GLP2R: variants seen among roughly 807,000 people sequenced by gnomAD.
GLP2R encodes the protein glucagon like peptide 2 receptor.
In GLP2R, 59 loss-of-function variants were observed where a neutral mutation model predicts 68.2. The observed-to-expected ratio is 0.87, with a 90% confidence interval of 0.70 to 1.07. GLP2R has a LOEUF of 1.07. Among genes scored for constraint, GLP2R ranks in the 50% least tolerant of loss-of-function variants. The pLI is 0.00. For missense variants in GLP2R, 548 were observed against 677.4 expected, an observed-to-expected ratio of 0.81 and a Z score of 2.12; for synonymous variants, 270 against 265.4, an observed-to-expected ratio of 1.02 and a Z score of -0.17.
chr17:9,843,245 G>A (rs991827874), intron 4 of GLP2R, among the ~76,000 whole-genome samples: 10 of 152,156 alleles, frequency 6.6e-5, no homozygotes, highest in African/African-American at 9.7e-5. Context: ...AAGGGGAAAC[G>A]AAACGTCCCT....
intron 6 of GLP2R, among the ~76,000 whole-genome samples, chr17:9,858,827 T>C (rs902551929): frequency 2.6e-5 from 4 of 152,232 alleles, no homozygotes; most frequent in African/African-American, 9.6e-5. Flanking sequence ...TTTTCATTCC[T>C]GATATTGATT....
At position 9,878,062 on chromosome 17, in the gene GLP2R, A is replaced by G. The variant is rs181419593; in HGVS notation, c.1146-2316A>G. ...AAGACACAGGTCTGCTTGTAGGCAT[A>G]TAAGTCTGTATCTTGAAAACCCAGC... On this transcript the variant is annotated intron_variant, in intron 10 of 12. Coordinates refer to ENST00000262441, the MANE Select transcript of GLP2R (RefSeq NM_004246.3). 4.1e-4 allele frequency among the ~76,000 whole-genome samples: 62 copies of G among 152,348 alleles called. 1 individual carries two copies. In the South Asian group the frequency reaches 7.5e-3, roughly 18 times the overall value.
intron 12 of GLP2R, among the ~76,000 whole-genome samples, chr17:9,888,855 G>A (rs1267715482): frequency 6.6e-6 from 1 of 152,196 alleles, no homozygotes; most frequent in Non-Finnish European, 1.5e-5. Context: ...GAGGGGCAGA[G>A]GCCAGAACAG....
At chr17:9,874,714 G>A (rs1273308719) in intron 10 of GLP2R, among the ~76,000 whole-genome samples, 1 of 152,178 alleles carries the variant, frequency 6.6e-6, no homozygotes, top group Non-Finnish European at 1.5e-5. Context: ...TCTGTGGAAG[G>A]TGGGGATGGG....
In GLP2R at chr17:9,889,565, C is replaced by G. The variant is rs760303918; in HGVS notation, c.1522C>G (p.Arg508Gly). The G allele has an allele frequency of 2.7e-5, 43 of 1,614,026 alleles. No individual in the cohort carries two copies. In the Admixed American group the frequency reaches 6.7e-4, roughly 25 times the overall value. The change falls in exon 13 of 13, where the codon CGA (arginine) becomes GGA (glycine). Residue 508 changes from arginine to glycine, a missense_variant. Coordinates refer to ENST00000262441, the MANE Select transcript of GLP2R (RefSeq NM_004246.3). The stretch of plus-strand genomic sequence containing the variant: ...TGGGCGGCTCCTACATCTAGCCATG[C>G]GAGGTCTTGGGGAGCTGGGCGCCCA... The part of the protein sequence containing the change: ...NSGRLLHLAM[R>G]GLGELGAQPQ...
Position 9,885,230 on chromosome 17 carries a change from C to T in GLP2R, c.1285-2702C>T, listed in dbSNP as rs2067233010. Among the ~76,000 whole-genome samples, 3 of 150,894 alleles carry T rather than the reference C, an allele frequency of 2.0e-5. No individual in the cohort carries two copies. In the South Asian group the frequency reaches 6.3e-4, roughly 32 times the overall value. ...TTGAGATGGAGTTTTGCTCTTGTTG[C>T]CCAGGCTGGAGTGCAATGGTGTTAT... On this transcript the variant is annotated intron_variant, in intron 11 of 12. Transcript: ENST00000262441.
In GLP2R at chr17:9,842,633, C is replaced by T. The variant is rs2066798355; in HGVS notation, c.504+17C>T. ...AAGCAAAACGTGAGTTTGCTCAGCTCAGTGAGGAGGCATCCAGGGTCCAAA... is the reference window on the plus strand; with the variant it reads ...AAGCAAAACGTGAGTTTGCTCAGCTTAGTGAGGAGGCATCCAGGGTCCAAA... On this transcript the variant is annotated intron_variant, in intron 4 of 12. Transcript: ENST00000262441. 6.2e-7 allele frequency: 1 copy of T among 1,612,788 alleles called. No individual in the cohort carries two copies. Among genetic ancestry groups the T allele is most frequent in the Non-Finnish European group, 8.5e-7 (1 of 1,179,904 alleles).
chr17:9,838,425 C>A (rs2066753939), intron 3 of GLP2R, among the ~76,000 whole-genome samples: 1 of 152,152 alleles, frequency 6.6e-6, no homozygotes, highest in Non-Finnish European at 1.5e-5. Context: ...CCCTTGGATT[C>A]CTTCAAGTCT....
At chr17:9,828,139 C>G (rs73265317) in intron 1 of GLP2R, among the ~76,000 whole-genome samples, 29,532 of 152,002 alleles carry the variant, frequency 0.19, 4,002 homozygotes, top group African/African-American at 0.37. Context: ...TGGGGCTAGA[C>G]AGGCAGATAA....
intron 1 of GLP2R, among the ~76,000 whole-genome samples, chr17:9,829,011 T>G (rs555418864): frequency 4.8e-4 from 73 of 152,318 alleles, no homozygotes; most frequent in African/African-American, 1.3e-3. Flanking sequence ...CAAGGCTTTG[T>G]GAAGACTTTC....
At chr17:9,847,360 T>C (rs1286633170) in intron 4 of GLP2R, among the ~76,000 whole-genome samples, 1 of 152,000 alleles carries the variant, frequency 6.6e-6, no homozygotes. Flanking sequence ...ACCTCCGCCT[T>C]CCGGTTTCAA....
chr17:9,849,607 CT>C (rs57795068), intron 4 of GLP2R, among the ~76,000 whole-genome samples: 210 of 87,108 alleles, frequency 2.4e-3, no homozygotes, highest in Middle Eastern at 0.013. Flanking sequence ...TTTTCTCTTT[CT>C]TTTTTTTTTT....
chr17:9,859,819 C>CA (rs10567375), intron 6 of GLP2R, 123 bp from the exon 7 acceptor site: 4,092 of 143,650 alleles, frequency 0.028, 279 homozygotes, highest in East Asian at 0.061. Flanking sequence ...GATTCTGTCT[C>CA]AAAAAAAAAA....
At chr17:9,859,887 C>T (rs537869166) in intron 6 of GLP2R, 55 bp from the exon 7 acceptor site, 20 of 1,282,834 alleles carry the variant, frequency 1.6e-5, no homozygotes, top group East Asian at 1.6e-4. Flanking sequence ...TCCCCCGACT[C>T]GGGATCAGAT....
At chr17:9,842,380 C>G in intron 3 of GLP2R, 115 bp from the exon 4 acceptor site, 2 of 1,315,250 alleles carry the variant, frequency 1.5e-6, no homozygotes, top group Non-Finnish European at 2.1e-6. Context: ...TTAATGAGCC[C>G]CCAAAAGGGG....
chr17:9,842,266 C>T (rs1463019732), intron 3 of GLP2R, among the ~76,000 whole-genome samples: 1 of 152,204 alleles, frequency 6.6e-6, no homozygotes, highest in African/African-American at 2.4e-5. Context: ...GTTCTAACTC[C>T]AGAGACTTTG....
chr17:9,839,055 C>G (rs190981357), intron 3 of GLP2R, among the ~76,000 whole-genome samples: 35 of 152,294 alleles, frequency 2.3e-4, no homozygotes, highest in Non-Finnish European at 4.3e-4. Flanking sequence ...GTGTTAGTCA[C>G]TAGGGTTTCA....
intron 2 of GLP2R, among the ~76,000 whole-genome samples, 157 bp downstream of exon 2, chr17:9,834,051 G>A (rs1312866714): frequency 6.6e-6 from 1 of 152,208 alleles, no homozygotes; most frequent in Non-Finnish European, 1.5e-5. Context: ...GCTCTGTAAT[G>A]TCTAGAGTTT....
chr17:9,885,578 G>A (rs1330771664), intron 11 of GLP2R, among the ~76,000 whole-genome samples: 1 of 151,966 alleles, frequency 6.6e-6, no homozygotes, highest in Non-Finnish European at 1.5e-5. Context: ...TCTCCTCCAT[G>A]TGGCCTCTCC....
Sources: allele counts gnomAD v4.1 joint callset (sites outside exome capture counted in the v4.1 genomes callset), GRCh38; gene constraint gnomAD v4.1.1; transcripts MANE v1.5; gene names NCBI Gene and HGNC (gene_info 2026-07-23, HGNC 2026-07-21).